VEPH1: variants seen among roughly 807,000 people sequenced by gnomAD.
VEPH1 encodes the protein ventricular zone-expressed PH domain-containing protein homolog 1.
Under a neutral mutation model 85.2 loss-of-function variants are expected in VEPH1, and 80 were observed. That is an observed-to-expected ratio of 0.94 (90% CI 0.78 to 1.13). The LOEUF is 1.13. Among genes scored for constraint, VEPH1 ranks in the 50% most tolerant of loss-of-function variants. The probability of loss-of-function intolerance (pLI) is 0.00; values close to 1 mark genes in which losing one functional copy is unlikely to be tolerated. For missense variants in VEPH1, 955 were observed against 980.5 expected (o/e 0.97, Z 0.35); for synonymous variants, 297 against 348.0 (o/e 0.85, Z 1.63).
At chr3:157,308,882 T>C (rs1719802389) in intron 11 of VEPH1, among the ~76,000 whole-genome samples, 1 of 152,142 alleles carries the variant, frequency 6.6e-6, no homozygotes, top group African/African-American at 2.4e-5. Context: ...TCTCATAGTG[T>C]TGTCATTGGG....
chr3:157,454,031 A>G (rs1262821768), intron 4 of VEPH1, among the ~76,000 whole-genome samples: 1 of 152,162 alleles, frequency 6.6e-6, no homozygotes, highest in African/African-American at 2.4e-5. Context: ...CAAAGAGATG[A>G]GCTAAGTTCT....
chr3:157,489,462 G>T (rs1291386199), intron 2 of VEPH1: 2 of 195,590 alleles, frequency 1.0e-5, no homozygotes, highest in African/African-American at 4.7e-5. Flanking sequence ...TGCCTGAAAT[G>T]ATTTCCTCCA....
chr3:157,271,415 C>G (rs1227344221), intron 12 of VEPH1, among the ~76,000 whole-genome samples: 2 of 152,070 alleles, frequency 1.3e-5, no homozygotes, highest in African/African-American at 4.8e-5. Flanking sequence ...ATTATTTACT[C>G]AGATGTGGGC....
chr3:157,315,189 GTGAA>G (rs1720609640), intron 10 of VEPH1, among the ~76,000 whole-genome samples: 1 of 151,954 alleles, frequency 6.6e-6, no homozygotes, highest in African/African-American at 2.4e-5. Context: ...CTTCTATTTA[GTGAA>G]TGAAGATTAA....
chr3:157,381,448 T>G, intron 6 of VEPH1, 72 bp from the exon 7 acceptor site: 4 of 1,483,826 alleles, frequency 2.7e-6, no homozygotes, highest in South Asian at 1.2e-5. Context: ...GTCATGCCTG[T>G]AATCCCAGCA....
At chr3:157,438,067 A>T (rs536595182) in intron 4 of VEPH1, among the ~76,000 whole-genome samples, 2 of 150,806 alleles carry the variant, frequency 1.3e-5, no homozygotes. Flanking sequence ...ACACACACAC[A>T]CACACCCCTA....
intron 4 of VEPH1, chr3:157,442,575 G>A (rs1249221096): frequency 6.2e-7 from 1 of 1,614,226 alleles, no homozygotes; most frequent in Admixed American, 1.7e-5. Flanking sequence ...CATAGTGTTT[G>A]TGGTGGGTGG....
chr3:157,411,886 G>C (rs981260875), intron 6 of VEPH1, among the ~76,000 whole-genome samples: 1 of 152,124 alleles, frequency 6.6e-6, no homozygotes, highest in Admixed American at 6.6e-5. Flanking sequence ...CCTTTGATAT[G>C]GTTTGGATCT....
intron 4 of VEPH1, chr3:157,436,871 A>G (rs879549743): frequency 8.3e-5 from 131 of 1,572,172 alleles, no homozygotes; most frequent in Admixed American, 3.8e-4. Flanking sequence ...CCTCCGCTCA[A>G]ACTCAGCTCA....
At chr3:157,323,151 A>C (rs1390063444) in intron 9 of VEPH1, among the ~76,000 whole-genome samples, 2 of 152,222 alleles carry the variant, frequency 1.3e-5, no homozygotes, top group East Asian at 3.8e-4. Flanking sequence ...CTCACCTCCA[A>C]GTTAAAGTTT....
intron 4 of VEPH1, among the ~76,000 whole-genome samples, chr3:157,447,326 C>G (rs985700350): frequency 1.3e-5 from 2 of 151,960 alleles, no homozygotes; most frequent in African/African-American, 4.8e-5. Context: ...CGTCTCTATT[C>G]CTTGATCCAT....
At position 157,393,643 on chromosome 3, in the gene VEPH1, C is replaced by T. The variant is rs376761750; in HGVS notation, c.907-12267G>A. ...GACATTATGGAATATATGCTACATA[C>T]GAAATAATATATATAAATATATGTA... On this transcript the variant is annotated intron_variant, in intron 6 of 13. Coordinates refer to ENST00000362010, the MANE Select transcript of VEPH1 (RefSeq NM_001167912.2). 5.6e-4 allele frequency among the ~76,000 whole-genome samples: 85 copies of T among 152,098 alleles called. No individual in the cohort carries two copies. In the East Asian group the frequency reaches 7.3e-3, roughly 13 times the overall value.
intron 2 of VEPH1, among the ~76,000 whole-genome samples, chr3:157,486,484 T>C (rs1322811950): frequency 2.8e-5 from 2 of 70,452 alleles, no homozygotes; most frequent in African/African-American, 6.6e-5. Flanking sequence ...AGACTCTGAC[T>C]CAAAAAAAAA....
At chr3:157,277,912 C>T (rs1317809324) in intron 12 of VEPH1, among the ~76,000 whole-genome samples, 1 of 152,106 alleles carries the variant, frequency 6.6e-6, no homozygotes, top group Non-Finnish European at 1.5e-5. Context: ...TAAAATGAGT[C>T]ATTGTTAATT....
At chr3:157,380,131 T>C (rs949559281) in intron 7 of VEPH1, among the ~76,000 whole-genome samples, 1 of 152,174 alleles carries the variant, frequency 6.6e-6, no homozygotes, top group African/African-American at 2.4e-5. Context: ...CCACTCTCTC[T>C]GCAAGCCCCA....
At chr3:157,354,519 G>A (rs1439817435) in intron 9 of VEPH1, among the ~76,000 whole-genome samples, 1 of 152,004 alleles carries the variant, frequency 6.6e-6, no homozygotes, top group Non-Finnish European at 1.5e-5. Context: ...TGTATTTACT[G>A]TTCCGTCCTT....
intron 8 of VEPH1, among the ~76,000 whole-genome samples, chr3:157,364,049 T>C (rs1317818342): frequency 6.6e-6 from 1 of 152,226 alleles, no homozygotes; most frequent in African/African-American, 2.4e-5. Flanking sequence ...TGATTTTTCA[T>C]CAGAAATCAA....
chr3:157,331,572 C>A (rs1422458359), intron 9 of VEPH1, among the ~76,000 whole-genome samples: 1 of 152,176 alleles, frequency 6.6e-6, no homozygotes, highest in African/African-American at 2.4e-5. Flanking sequence ...ACTCTTCTTC[C>A]AACAGAAGAT....
At chr3:157,434,042 T>C (rs1183016145) in intron 4 of VEPH1, among the ~76,000 whole-genome samples, 1 of 152,224 alleles carries the variant, frequency 6.6e-6, no homozygotes, top group Non-Finnish European at 1.5e-5. Context: ...CTTTGGTTTA[T>C]ATTTTTTGAA....
Sources: gnomAD v4.1 joint callset for allele counts (sites outside exome capture counted in the v4.1 genomes callset) on GRCh38, gnomAD v4.1.1 for gene constraint, MANE v1.5 for transcripts, NCBI Gene and HGNC (gene_info 2026-07-23, HGNC 2026-07-21) for gene names.